FBXL4: variants seen among roughly 807,000 people sequenced by gnomAD.
The protein encoded by FBXL4 is F-box/LRR-repeat protein 4.
Under a neutral mutation model 58.9 loss-of-function variants are expected in FBXL4, and 40 were observed. The ratio of observed to expected loss-of-function variants is 0.68; its 90% CI spans 0.53 to 0.88. FBXL4 has a LOEUF of 0.88. Ranked by LOEUF, FBXL4 falls within the 40% of genes least tolerant of loss-of-function variation. The pLI is 0.00. For synonymous variants in FBXL4, 263 were observed against 265.5 expected, an observed-to-expected ratio of 0.99 and a Z score of 0.09; for missense variants, 676 against 734.4, an observed-to-expected ratio of 0.92 and a Z score of 0.92.
chr6:98,891,983 T>C (rs1771245006), intron 7 of FBXL4, among the ~76,000 whole-genome samples: 1 of 152,138 alleles, frequency 6.6e-6, no homozygotes, highest in African/African-American at 2.4e-5. Context: ...TTCTTGACTG[T>C]AACTGGACTA....
intron 4 of FBXL4, among the ~76,000 whole-genome samples, chr6:98,921,384 A>C (rs1307090237): frequency 6.6e-6 from 1 of 151,592 alleles, no homozygotes; most frequent in Non-Finnish European, 1.5e-5. Flanking sequence ...CCTTGCAACC[A>C]AAATTTATCC....
Position 98,905,627 on chromosome 6 carries a change from C to T in FBXL4, c.902G>A (p.Cys301Tyr). 1.2e-6 allele frequency: 2 copies of T among 1,613,910 alleles called. No individual in the cohort carries two copies. The highest frequency in any genetic ancestry group is 1.1e-5 in the South Asian group (1 of 91,082). The change falls in exon 6 of 10, where the codon TGT becomes TAT. Residue 301 changes from cysteine to tyrosine, a missense_variant. Coordinates refer to ENST00000369244, the MANE Select transcript of FBXL4 (RefSeq NM_001278716.2). ...TAGTTTGCAAGTCTGTGCTAATCTA[C>T]ACAGGTCTGGTAGTGTAAGATGATT... ...ILNHLTLPDL[C>Y]RLAQTCKLLS...
At chr6:98,912,841 A>G (rs577533901) in intron 5 of FBXL4, among the ~76,000 whole-genome samples, 3,190 of 151,924 alleles carry the variant, frequency 0.021, 51 homozygotes, top group Middle Eastern at 0.088. Flanking sequence ...AACTTTAAAT[A>G]TAAATGGACT....
In FBXL4 at chr6:98,927,049, T is replaced by C. The variant is rs1411246569; in HGVS notation, c.-61A>G. The C allele has an allele frequency of 1.3e-6, 2 of 1,500,454 alleles. No individual in the cohort carries two copies. The highest frequency in any genetic ancestry group is 1.4e-5 in the African/African-American group (1 of 71,356). 92.9% of individuals were successfully genotyped at this position (1,500,454 alleles called of 1,614,324 possible). ...GTCCTCAGTAAGATGCATGAACTCTTTGAAGGATGTTCTAAAAAAATGAAT... is the reference window on the plus strand; with the variant it reads ...GTCCTCAGTAAGATGCATGAACTCTCTGAAGGATGTTCTAAAAAAATGAAT... On this transcript the variant is annotated 5_prime_UTR_variant, in exon 4 of 10. Transcript: ENST00000369244.
At chr6:98,932,987 T>C (rs939782526) in intron 2 of FBXL4, among the ~76,000 whole-genome samples, 1 of 151,602 alleles carries the variant, frequency 6.6e-6, no homozygotes, top group Non-Finnish European at 1.5e-5. Flanking sequence ...AATGTGGTAA[T>C]GAATCAAGAA....
chr6:98,938,613 G>T (rs1031580006), intron 1 of FBXL4, among the ~76,000 whole-genome samples: 4 of 152,148 alleles, frequency 2.6e-5, no homozygotes, highest in Non-Finnish European at 5.9e-5. Flanking sequence ...AAGGCTGGGG[G>T]TTAGTAGCTT....
chr6:98,872,736 T>G lies in FBXL4; in HGVS notation c.*1542A>C, dbSNP rs1770526179. 2 of 152,344 alleles carry G rather than the reference T, an allele frequency of 1.3e-5. No homozygotes were observed. Among genetic ancestry groups the G allele is most frequent in the Admixed American group, 1.3e-4 (2 of 15,300 alleles). 9.4% of individuals were successfully genotyped at this position (152,344 alleles called of 1,614,324 possible). A position where few individuals can be genotyped will look rare whatever the true frequency, so the allele number is the denominator to read the frequency against. On this transcript the variant is annotated 3_prime_UTR_variant, in exon 10 of 10. Transcript: ENST00000369244. ...TCTGCCCTAGAGCCAGAAGCTACCCTGAACACCTAAAAGCACAGGTTTAAT... is the reference window on the plus strand; with the variant it reads ...TCTGCCCTAGAGCCAGAAGCTACCCGGAACACCTAAAAGCACAGGTTTAAT...
At chr6:98,940,825 T>C (rs1773405096) in intron 1 of FBXL4, among the ~76,000 whole-genome samples, 2 of 152,130 alleles carry the variant, frequency 1.3e-5, no homozygotes, top group Admixed American at 1.3e-4. Context: ...CAAGATCAAG[T>C]ACAGTTTCAA....
At chr6:98,943,437 G>T (rs1292865531) in intron 1 of FBXL4, among the ~76,000 whole-genome samples, 1 of 151,786 alleles carries the variant, frequency 6.6e-6, no homozygotes, top group Non-Finnish European at 1.5e-5. Flanking sequence ...GCCAGGTATT[G>T]TGGCATGCAC....
intron 2 of FBXL4, among the ~76,000 whole-genome samples, chr6:98,928,371 C>T (rs1033219862): frequency 6.6e-6 from 1 of 151,962 alleles, no homozygotes; most frequent in African/African-American, 2.4e-5. Context: ...TCTTGCCGCC[C>T]AGGCTGGAGT....
At chr6:98,929,379 T>C (rs1407282506) in intron 2 of FBXL4, among the ~76,000 whole-genome samples, 1 of 151,702 alleles carries the variant, frequency 6.6e-6, no homozygotes, top group Non-Finnish European at 1.5e-5. Context: ...TGAAACCAGC[T>C]TGACCAACAC....
intron 5 of FBXL4, among the ~76,000 whole-genome samples, chr6:98,913,227 G>A (rs1485954915): frequency 6.6e-6 from 1 of 151,980 alleles, no homozygotes; most frequent in Non-Finnish European, 1.5e-5. Context: ...AATAATAATG[G>A]GAGACTTTAA....
At chr6:98,945,738 G>C (rs1582468596) in intron 1 of FBXL4, among the ~76,000 whole-genome samples, 1 of 152,126 alleles carries the variant, frequency 6.6e-6, no homozygotes, top group East Asian at 1.9e-4. Flanking sequence ...TTTTCTCTTA[G>C]AAACCAGGTA....
chr6:98,910,484 T>C lies in FBXL4; in HGVS notation c.859-4814A>G, dbSNP rs576317129. Among the ~76,000 whole-genome samples, 3 of 151,894 alleles carry C rather than the reference T, an allele frequency of 2.0e-5. No homozygotes were observed. The East Asian group carries it at 5.8e-4, about 30-fold the overall frequency. On this transcript the variant is annotated intron_variant, in intron 5 of 9. Transcript: ENST00000369244. ...CTGGCTAACACAGTGAAACCCTGTC[T>C]CTACTAAAAATACAAAAAAAAAGTT...
rs765093806 is a variant in FBXL4 at position 98,926,927 on chromosome 6, C to T, written c.62G>A (p.Arg21His). The stretch of plus-strand genomic sequence containing the variant: ...TCCTCTTGTAGCTGTCCTGGCTCGG[C>T]GCCGAAGGCATATATAATAAAACAT... ...LTMFYYICLR[R>H]RARTATRGEM... The change falls in exon 4 of 10, where the codon CGC (arginine) becomes CAC (histidine). Residue 21 changes from arginine (R) to histidine (H), a missense_variant. By Grantham distance (29) the Arg-to-His change is conservative (BLOSUM62 0). Transcript: ENST00000369244. 8 of 1,613,872 alleles carry T rather than the reference C, an allele frequency of 5.0e-6. No individual in the cohort carries two copies. Among genetic ancestry groups the T allele is most frequent in the African/African-American group, 1.3e-5 (1 of 74,864 alleles).
intron 2 of FBXL4, among the ~76,000 whole-genome samples, chr6:98,934,262 AG>A (rs945032589): frequency 1.3e-5 from 2 of 152,132 alleles, no homozygotes; most frequent in African/African-American, 4.8e-5. Flanking sequence ...TGGCTGAAAA[AG>A]AATTTCTTAA....
At chr6:98,898,341 T>A (rs1004286642) in intron 7 of FBXL4, 10 of 985,292 alleles carry the variant, frequency 1.0e-5, no homozygotes, top group Non-Finnish European at 1.2e-5. Context: ...AGGTACATAC[T>A]CTTTAACCTA....
intron 4 of FBXL4, among the ~76,000 whole-genome samples, chr6:98,922,174 C>A (rs1772610005): frequency 6.6e-6 from 1 of 152,174 alleles, no homozygotes; most frequent in African/African-American, 2.4e-5. Flanking sequence ...TATCCGCCCC[C>A]CTCGGCCTCC....
Position 98,927,799 on chromosome 6 carries a change from T to A in FBXL4, c.-167A>T, listed in dbSNP as rs2128406336. ...TTTGCATGCTGACTTCAGGTACAAATGCTGACATGTGACATTCTTTTACCT... is the reference window on the plus strand; with the variant it reads ...TTTGCATGCTGACTTCAGGTACAAAAGCTGACATGTGACATTCTTTTACCT... On this transcript the variant is annotated 5_prime_UTR_variant, in exon 3 of 10. Coordinates refer to ENST00000369244, the MANE Select transcript of FBXL4 (RefSeq NM_001278716.2). 6.6e-6 allele frequency: 1 copy of A among 152,350 alleles called. No individual in the cohort carries two copies. Among genetic ancestry groups the A allele is most frequent in the East Asian group, 1.9e-4 (1 of 5,188 alleles). 9.4% of individuals were successfully genotyped at this position (152,350 alleles called of 1,614,324 possible). A position where few individuals can be genotyped will look rare whatever the true frequency, so the allele number is the denominator to read the frequency against.
Sources: gnomAD v4.1 joint callset for allele counts (sites outside exome capture counted in the v4.1 genomes callset) on GRCh38, gnomAD v4.1.1 for gene constraint, MANE v1.5 for transcripts, NCBI Gene and HGNC (gene_info 2026-07-23, HGNC 2026-07-21) for gene names.